The following PPP1R12A variants were observed in gnomAD, a reference collection of about 807,000 sequenced individuals.
The protein encoded by PPP1R12A is myosin binding subunit.
In PPP1R12A, 19 loss-of-function variants were observed where a neutral mutation model predicts 139.6. The observed-to-expected ratio is 0.14, with a 90% CI of 0.09 to 0.20. The LOEUF (loss-of-function observed/expected upper bound fraction) is 0.20, where lower values mean the gene tolerates loss of function less well. Among genes scored for constraint, PPP1R12A ranks in the 10% least tolerant of loss-of-function variants. PPP1R12A has a pLI of 1.00. For missense variants in PPP1R12A, 925 were observed against 1,211.5 expected (o/e 0.76, Z 3.51); for synonymous variants, 427 against 420.6 (o/e 1.02, Z -0.19).
chr12:79,899,030 GCTA>G (rs1885384430), intron 1 of PPP1R12A, among the ~76,000 whole-genome samples: 1 of 151,914 alleles, frequency 6.6e-6, no homozygotes, highest in Non-Finnish European at 1.5e-5. Context: ...CTATTAATAT[GCTA>G]CTACTTGCTC....
At chr12:79,790,225 TAAG>T (rs1441006065) in intron 20 of PPP1R12A, among the ~76,000 whole-genome samples, 2 of 152,186 alleles carry the variant, frequency 1.3e-5, no homozygotes, top group East Asian at 1.9e-4. Context: ...TGAACTAACT[TAAG>T]AAACTTTGGA....
At chr12:79,839,802 C>T (rs1878500338) in intron 3 of PPP1R12A, among the ~76,000 whole-genome samples, 1 of 152,148 alleles carries the variant, frequency 6.6e-6, no homozygotes, top group South Asian at 2.1e-4. Context: ...GCCTCCCCAG[C>T]CCTGTGGAAC....
In PPP1R12A at chr12:79,898,911, A is replaced by G. The variant is rs1347900467; in HGVS notation, c.238-25973T>C. ...AATTTCCTTATGCTACCTTCCATAT[A>G]TACTATTCCTCTTTTCCTTCGCATT... On this transcript the variant is annotated intron_variant, in intron 1 of 24. Coordinates refer to ENST00000450142, the MANE Select transcript of PPP1R12A (RefSeq NM_002480.3). Among the ~76,000 whole-genome samples, 4 of 152,160 alleles carry G rather than the reference A, an allele frequency of 2.6e-5. No individual in the cohort carries two copies. The East Asian group carries it at 7.7e-4, about 29-fold the overall frequency.
In PPP1R12A at chr12:79,797,300, T is replaced by C. The variant is rs755220839; in HGVS notation, c.2187A>G (p.Lys729=). Reference sequence around the variant, plus strand: ...CTTTATCTTGTTTCTCTTTTTCCTCTTTTTCTTTTTCTTCATTTTCTTGTT... The same window carrying C: ...CTTTATCTTGTTTCTCTTTTTCCTCCTTTTCTTTTTCTTCATTTTCTTGTT... The part of the protein sequence containing the change: ...TREQENEEKE[K]EEKEKQDKEK... Residue 729 remains lysine, a synonymous_variant, in exon 16 of 25, where the codon AAA becomes AAG. Transcript: ENST00000450142. 1.3e-6 allele frequency: 2 copies of C among 1,591,052 alleles called. No individual in the cohort carries two copies. Among genetic ancestry groups the C allele is most frequent in the Non-Finnish European group, 1.7e-6 (2 of 1,167,018 alleles).
chr12:79,884,654 CATATAAGG>C (rs1883942835), intron 1 of PPP1R12A, among the ~76,000 whole-genome samples: 1 of 152,068 alleles, frequency 6.6e-6, no homozygotes, highest in African/African-American at 2.4e-5. Context: ...TTTACTGAAC[CATATAAGG>C]AAAGAAGCAG....
At chr12:79,918,398 T>C (rs1214012194) in intron 1 of PPP1R12A, among the ~76,000 whole-genome samples, 2 of 152,170 alleles carry the variant, frequency 1.3e-5, no homozygotes, top group Non-Finnish European at 2.9e-5. Flanking sequence ...ATTTTACACT[T>C]GATTTTCATT....
intron 5 of PPP1R12A, 111 bp downstream of exon 5, chr12:79,828,207 AAT>A: frequency 1.1e-6 from 1 of 906,718 alleles, no homozygotes; most frequent in South Asian, 3.4e-5. Flanking sequence ...AGTTAATAAA[AAT>A]ATAATTATAT....
intron 18 of PPP1R12A, 69 bp downstream of exon 18, chr12:79,795,569 T>G: frequency 7.1e-7 from 1 of 1,418,354 alleles, no homozygotes; most frequent in Non-Finnish European, 9.6e-7. Flanking sequence ...ATTATTAGTA[T>G]GTATTTTTGG....
In PPP1R12A at chr12:79,796,933, C is replaced by G. The variant is rs773883273; in HGVS notation, c.2310G>C (p.Arg770Ser). ...TGGTTGAACTTGAAGTTGATACTGGCCTATAACGCTGGTAAGTCTGTGAAA... is the reference window on the plus strand; with the variant it reads ...TGGTTGAACTTGAAGTTGATACTGGGCTATAACGCTGGTAAGTCTGTGAAA... ...RTYDETYQRY[R>S]PVSTSSSTTP... The change falls in exon 17 of 25, where the codon AGG (arginine) becomes AGC (serine). Residue 770 changes from arginine to serine, a missense_variant. Arg to Ser is a moderately radical substitution (Grantham distance 110). This residue lies in a region of PPP1R12A where 315 missense variants were observed against 363.4 expected (regional missense o/e 0.87). Transcript: ENST00000450142. The G allele has an allele frequency of 6.2e-7, 1 of 1,609,888 alleles. No individual in the cohort carries two copies. The highest frequency in any genetic ancestry group is 8.5e-7 in the Non-Finnish European group (1 of 1,178,516).
intron 2 of PPP1R12A, among the ~76,000 whole-genome samples, chr12:79,850,919 C>T (rs1032046326): frequency 6.6e-6 from 1 of 152,168 alleles, no homozygotes; most frequent in African/African-American, 2.4e-5. Context: ...TGAGGCTTCC[C>T]CTGCCATGCT....
chr12:79,935,135 C>G (rs779249989), upstream of PPP1R12A: 2 of 1,354,036 alleles, frequency 1.5e-6, no homozygotes, highest in African/African-American at 1.5e-5. Flanking sequence ...TCCCTTCCTA[C>G]CACAGAAGCC....
intron 1 of PPP1R12A, among the ~76,000 whole-genome samples, chr12:79,896,539 C>T (rs1199175521): frequency 1.3e-5 from 2 of 152,076 alleles, no homozygotes; most frequent in Non-Finnish European, 2.9e-5. Context: ...CGCCACATTG[C>T]CCAGGCTGGT....
intron 24 of PPP1R12A, chr12:79,778,233 A>G (rs1217980901): frequency 5.7e-6 from 1 of 175,588 alleles, no homozygotes; most frequent in East Asian, 1.4e-4. Context: ...TAAATCCTAC[A>G]TCTTATTATT....
intron 5 of PPP1R12A, chr12:79,828,019 TC>T (rs1442146719): frequency 5.7e-6 from 1 of 176,560 alleles, no homozygotes; most frequent in African/African-American, 2.4e-5. Context: ...GCTTCTGAAT[TC>T]CTAAGAACAT....
intron 1 of PPP1R12A, among the ~76,000 whole-genome samples, chr12:79,883,920 T>C (rs1376173267): frequency 6.6e-6 from 1 of 152,110 alleles, no homozygotes; most frequent in Non-Finnish European, 1.5e-5. Context: ...AAAAGGAATA[T>C]GGTAAGACAA....
chr12:79,929,378 T>C (rs1024845609), intron 1 of PPP1R12A, among the ~76,000 whole-genome samples: 42 of 150,632 alleles, frequency 2.8e-4, no homozygotes, highest in South Asian at 1.0e-3. Flanking sequence ...ACAAAGTGAG[T>C]AATTAATTAG....
chr12:79,918,696 AC>A (rs1887192814), intron 1 of PPP1R12A, among the ~76,000 whole-genome samples: 1 of 152,136 alleles, frequency 6.6e-6, no homozygotes, highest in Admixed American at 6.5e-5. Flanking sequence ...CTCTCAGACT[AC>A]CCAACTTCCT....
intron 1 of PPP1R12A, among the ~76,000 whole-genome samples, chr12:79,875,876 G>A (rs1883051803): frequency 6.6e-6 from 1 of 152,060 alleles, no homozygotes; most frequent in Non-Finnish European, 1.5e-5. Flanking sequence ...ACCAAAGGAA[G>A]TTCCTGTTTG....
At chr12:79,784,602 C>T (rs897072284) in intron 22 of PPP1R12A, among the ~76,000 whole-genome samples, 2 of 152,068 alleles carry the variant, frequency 1.3e-5, no homozygotes, top group East Asian at 3.9e-4. Context: ...GCTGAGTCAC[C>T]ATGACAGAAC....
Sources: allele counts gnomAD v4.1 joint callset (sites outside exome capture counted in the v4.1 genomes callset), GRCh38; gene constraint gnomAD v4.1.1; regional missense constraint gnomAD v4.1.1; transcripts MANE v1.5; gene names NCBI Gene and HGNC (gene_info 2026-07-23, HGNC 2026-07-21).